Variants in RASSF1 observed in about 807,000 individuals in gnomAD.
The protein encoded by RASSF1 is ras association domain-containing protein 1.
Under a neutral mutation model 34.3 loss-of-function variants are expected in RASSF1, and 33 were observed. The ratio of observed to expected loss-of-function variants is 0.96; its 90% CI spans 0.73 to 1.29. The LOEUF is 1.29. Among genes scored for constraint, RASSF1 ranks in the 50% most tolerant of loss-of-function variants. RASSF1 has a pLI of 0.00. For missense variants in RASSF1, 445 were observed against 471.8 expected, an observed-to-expected ratio of 0.94 and a Z score of 0.53; for synonymous variants, 191 against 195.0, an observed-to-expected ratio of 0.98 and a Z score of 0.17.
intron 1 of RASSF1, among the ~76,000 whole-genome samples, chr3:50,340,143 T>C (rs1703309317): frequency 6.6e-6 from 1 of 151,946 alleles, no homozygotes. Context: ...CCACCAAAGG[T>C]TCTAAATTTT....
chr3:50,337,164 G>A, intron 2 of RASSF1: 1 of 1,606,140 alleles, frequency 6.2e-7, no homozygotes, highest in Non-Finnish European at 8.5e-7. Flanking sequence ...GGCACCCCCT[G>A]GCTCCCACCT....
In RASSF1 at chr3:50,340,754, G is replaced by C; in HGVS notation, c.52C>G (p.Arg18Gly). 1 of 1,511,924 alleles carries C rather than the reference G, an allele frequency of 6.6e-7. No individual in the cohort carries two copies. The highest frequency in any genetic ancestry group is 8.8e-7 in the Non-Finnish European group (1 of 1,140,064). The allele number at this position is 1,511,924 out of a possible 1,614,324, so 93.7% of individuals were successfully genotyped here. Residue 18 changes from arginine (R) to glycine (G), a missense_variant, in exon 1 of 6, where the codon CGC (arginine) becomes GGC (glycine). By Grantham distance (125) the Arg-to-Gly change is moderately radical. Transcript: ENST00000359365. ...AGCCGGGTGCGGCCCTTCCCAGCGCGCCCAGCGGGTGCCAGCTCCCGCAGC... is the reference window on the plus strand; with the variant it reads ...AGCCGGGTGCGGCCCTTCCCAGCGCCCCCAGCGGGTGCCAGCTCCCGCAGC... ...IELRELAPAG[R>G]AGKGRTRLER...
intron 2 of RASSF1, 151 bp downstream of exon 2, chr3:50,337,754 C>T: frequency 1.1e-6 from 1 of 934,310 alleles, no homozygotes; most frequent in Non-Finnish European, 1.6e-6. Context: ...GCTCCCCTCC[C>T]AGCCCCCGCG....
Position 50,337,894 on chromosome 3 carries a change from C to T in RASSF1, c.357+11G>A. 6.3e-7 allele frequency: 1 copy of T among 1,586,972 alleles called. No individual in the cohort carries two copies. Among genetic ancestry groups the T allele is most frequent in the Non-Finnish European group, 8.6e-7 (1 of 1,156,964 alleles). ...CTCGCCCTTCCCATACGCCCTCGGC[C>T]CCGCGCTCACCACGTTCGTGTCCCG... On this transcript the variant is annotated intron_variant, in intron 2 of 5. Transcript: ENST00000359365.
rs1703170886 is a variant in RASSF1, at chr3:50,337,190, T to C, written c.357+715A>G. ...GCTCCCACCTGGTCCCGGCGCGGCC[T>C]GCGAGCTAGCGAGGTTCGCGCGGTG... is the stretch of plus-strand genomic sequence containing the variant. On this transcript the variant is annotated intron_variant, in intron 2 of 5. Coordinates refer to ENST00000359365, the MANE Select transcript of RASSF1 (RefSeq NM_007182.5). 4 of 1,611,636 alleles carry C rather than the reference T, an allele frequency of 2.5e-6. No homozygotes were observed. In the South Asian group the frequency reaches 3.3e-5, roughly 13 times the overall value.
In RASSF1 at chr3:50,337,964, C is replaced by T. The variant is rs1300835180; in HGVS notation, c.298G>A (p.Asp100Asn). ...CCCAGGTCCCGGGGCCCGCAACAGT[C>T]CAGGCAGACGAGCGCGCGGCAGCGG... ...HYRCRALVCL[D>N]CCGPRDLGWE... is the part of the protein sequence containing the mutation. Residue 100 changes from aspartate to asparagine, a missense_variant, in exon 2 of 6, where the codon GAC becomes AAC. Coordinates refer to ENST00000359365, the MANE Select transcript of RASSF1 (RefSeq NM_007182.5). 2 of 1,610,782 alleles carry T rather than the reference C, an allele frequency of 1.2e-6. No homozygotes were observed. Among genetic ancestry groups the T allele is most frequent in the Non-Finnish European group, 8.5e-7 (1 of 1,178,682 alleles).
intron 2 of RASSF1, chr3:50,336,805 A>C: frequency 4.1e-6 from 1 of 244,608 alleles, no homozygotes; most frequent in East Asian, 1.1e-4. Flanking sequence ...ATCCTCCCCT[A>C]GTCTCCCCAA....
chr3:50,337,967 G>C lies in RASSF1; in HGVS notation c.295C>G (p.Leu99Val), dbSNP rs1703225047. ...AGGTCCCGGGGCCCGCAACAGTCCAGGCAGACGAGCGCGCGGCAGCGGTAG... is the reference window on the plus strand; with the variant it reads ...AGGTCCCGGGGCCCGCAACAGTCCACGCAGACGAGCGCGCGGCAGCGGTAG... The part of the protein sequence containing the change: ...CHYRCRALVC[L>V]DCCGPRDLGW... The change falls in exon 2 of 6, where the codon CTG becomes GTG. Residue 99 changes from leucine to valine, a missense_variant. By Grantham distance (32) the Leu-to-Val change is conservative. Transcript: ENST00000359365. 2 of 1,610,268 alleles carry C rather than the reference G, an allele frequency of 1.2e-6. No individual in the cohort carries two copies. The highest frequency in any genetic ancestry group is 1.7e-6 in the Non-Finnish European group (2 of 1,178,480).
chr3:50,335,258 G>GT (rs587757586), intron 2 of RASSF1, among the ~76,000 whole-genome samples: 207 of 145,704 alleles, frequency 1.4e-3, no homozygotes, highest in African/African-American at 4.7e-3. Flanking sequence ...TAAAACTGAT[G>GT]TTTTTTTCTT....
rs1702929885 is a variant in RASSF1 at position 50,331,376 on chromosome 3, G to A, written c.834C>T (p.Ala278=). ...LRLLAGPSDK[A]LSFVLKENDS... is the part of the protein sequence containing the mutation. ...CATTTTCCTTCAGGACAAAGCTCAG[G>A]GCCTTGTCACTGGGCCCTGCCAGGA... Residue 278 remains alanine, a synonymous_variant, in exon 5 of 6, where the codon GCC becomes GCT. Transcript: ENST00000359365. 6.2e-7 allele frequency: 1 copy of A among 1,606,614 alleles called. No homozygotes were observed. The highest frequency in any genetic ancestry group is 1.1e-5 in the South Asian group (1 of 90,472).
At chr3:50,337,879 C>A (rs751121353) in intron 2 of RASSF1, 26 bp downstream of exon 2, 10 of 1,551,862 alleles carry the variant, frequency 6.4e-6, no homozygotes, top group East Asian at 2.3e-5. Flanking sequence ...CTCGCCCTTC[C>A]CATACGCCCT....
At chr3:50,337,652 A>G (rs1703205420) in intron 2 of RASSF1, 1 of 920,564 alleles carries the variant, frequency 1.1e-6, no homozygotes, top group South Asian at 1.7e-5. Flanking sequence ...GAGGGCGGGA[A>G]GGTGCGGGAA....
At position 50,330,613 on chromosome 3, in the gene RASSF1, G is replaced by C; in HGVS notation, c.991C>G (p.Gln331Glu). The change falls in exon 6 of 6, where the codon CAA becomes GAA. Residue 331 changes from glutamine to glutamate, a missense_variant. Transcript: ENST00000359365. This position sits in a 1 kb window ranked among gnomAD's most constrained non-coding sequence, Gnocchi z 4.5. ...AGGGGGCAGGCGTGCAGGGCCTCTT[G>C]GATCTTCTGGCGGCAATAGGAGTAC... ...QKYSYCRQKI[Q>E]EALHACPLG 2 of 1,614,160 alleles carry C rather than the reference G, an allele frequency of 1.2e-6. No individual in the cohort carries two copies. Among genetic ancestry groups the C allele is most frequent in the Non-Finnish European group, 8.5e-7 (1 of 1,180,016 alleles).
intron 2 of RASSF1, chr3:50,337,625 G>C (rs1703203360): frequency 9.4e-7 from 1 of 1,065,206 alleles, no homozygotes; most frequent in African/African-American, 1.6e-5. Context: ...GCACAAGAGT[G>C]GCCTCTGGCC....
At position 50,337,953 on chromosome 3, in the gene RASSF1, C is replaced by A. The variant is rs1159209498; in HGVS notation, c.309G>T (p.Gly103=). The change falls in exon 2 of 6, where the codon GGG becomes GGT. Residue 103 remains glycine, a synonymous_variant. Coordinates refer to ENST00000359365, the MANE Select transcript of RASSF1 (RefSeq NM_007182.5). The part of the protein sequence containing the change: ...CRALVCLDCC[G]PRDLGWEPAV... ...CGGGTTCCCAGCCCAGGTCCCGGGG[C>A]CCGCAACAGTCCAGGCAGACGAGCG... 1 of 1,611,750 alleles carries A rather than the reference C, an allele frequency of 6.2e-7. No homozygotes were observed. Among genetic ancestry groups the A allele is most frequent in the Non-Finnish European group, 8.5e-7 (1 of 1,179,104 alleles).
Position 50,337,940 on chromosome 3 carries a change from C to T in RASSF1, c.322G>A (p.Gly108Ser), listed in dbSNP as rs1239097434. 6.2e-7 allele frequency: 1 copy of T among 1,612,270 alleles called. No individual in the cohort carries two copies. The highest frequency in any genetic ancestry group is 1.3e-5 in the African/African-American group (1 of 74,930). The part of the protein sequence containing the change: ...CLDCCGPRDL[G>S]WEPAVERDTN... Reference sequence around the variant, plus strand: ...TCCCGCTCCACCGCGGGTTCCCAGCCCAGGTCCCGGGGCCCGCAACAGTCC... The same window carrying T: ...TCCCGCTCCACCGCGGGTTCCCAGCTCAGGTCCCGGGGCCCGCAACAGTCC... The change falls in exon 2 of 6, where the codon GGC (glycine) becomes AGC (serine). Residue 108 changes from glycine (G) to serine (S), a missense_variant. Transcript: ENST00000359365.
At chr3:50,332,246 G>T in intron 2 of RASSF1, 92 bp from the exon 3 acceptor site, 1 of 1,084,424 alleles carries the variant, frequency 9.2e-7, no homozygotes, top group Non-Finnish European at 1.4e-6. Context: ...GAAACTGACT[G>T]CCTTTGGCCC....
chr3:50,337,275 G>A lies in RASSF1; in HGVS notation c.357+630C>T, dbSNP rs149932910. ...GGCTGCAGTAGCCACTGCTCGTCGT[G>A]CTGCTCCAGGTCATTTCGAAAGAAG... On this transcript the variant is annotated intron_variant, in intron 2 of 5. Transcript: ENST00000359365. The A allele has an allele frequency of 8.4e-4, 1,354 of 1,613,142 alleles. 3 individuals are homozygous for A. In the African/African-American group the frequency reaches 8.6e-3, roughly 10 times the overall value.
At chr3:50,331,230 G>A in intron 5 of RASSF1, 104 bp downstream of exon 5, 1 of 919,482 alleles carries the variant, frequency 1.1e-6, no homozygotes, top group East Asian at 2.7e-5. Context: ...GAACTGTTTT[G>A]CAGGGCTTGT....
Sources: gnomAD v4.1 joint callset for allele counts (sites outside exome capture counted in the v4.1 genomes callset) on GRCh38, gnomAD v4.1.1 for gene constraint, Gnocchi (gnomAD v3.1) non-coding constraint, MANE v1.5 for transcripts, NCBI Gene and HGNC (gene_info 2026-07-23, HGNC 2026-07-21) for gene names.